JAK1: variants seen among roughly 807,000 people sequenced by gnomAD.
JAK1 encodes Janus kinase 1.
A neutral mutation model predicts 136.6 loss-of-function variants in JAK1; 16 were observed. The ratio of observed to expected loss-of-function variants is 0.12; its 90% CI spans 0.08 to 0.18. The LOEUF is 0.18. Ranked by LOEUF, JAK1 falls within the 10% of genes least tolerant of loss-of-function variation. The pLI is 1.00. For synonymous variants in JAK1, 492 were observed against 519.5 expected, an observed-to-expected ratio of 0.95 and a Z score of 0.72; for missense variants, 859 against 1,450.1, an observed-to-expected ratio of 0.59 and a Z score of 6.62.
chr1:64,878,370 G>A (rs921894675), intron 4 of JAK1, among the ~76,000 whole-genome samples: 1 of 152,046 alleles, frequency 6.6e-6, no homozygotes, highest in African/African-American at 2.4e-5. Context: ...AGAAAAGGCA[G>A]GTGCCCATCA....
rs1346211457 is a variant in JAK1, at chr1:64,848,572, C to T, written c.1756-897G>A. On this transcript the variant is annotated intron_variant, in intron 12 of 24. Coordinates refer to ENST00000342505, the MANE Select transcript of JAK1 (RefSeq NM_002227.4). ...GGCAGGAGGACTGAATGAGATGATC[C>T]GTGCAAAGCCCTAGCCATACCATGA... Among the ~76,000 whole-genome samples the T allele has an allele frequency of 3.3e-5, 5 of 152,264 alleles. No individual in the cohort carries two copies. In the East Asian group the frequency reaches 9.7e-4, roughly 29 times the overall value.
rs3818751 is a variant in JAK1 at position 64,839,504 on chromosome 1, C to T, written c.2842+99G>A. 195 of 973,828 alleles carry T rather than the reference C, an allele frequency of 2.0e-4. 2 individuals are homozygous for T. The East Asian group carries it at 3.5e-3, about 18-fold the overall frequency. 60.3% of individuals were successfully genotyped at this position (973,828 alleles called of 1,614,324 possible). ...GGGAACCACCAGCTAGCATGTCAGA[C>T]GCCCAGGTAAGGCCACGGAGTGCCT... On this transcript the variant is annotated intron_variant, in intron 20 of 24. Coordinates refer to ENST00000342505, the MANE Select transcript of JAK1 (RefSeq NM_002227.4).
At chr1:64,845,757 C>G in intron 14 of JAK1, 117 bp from the exon 15 acceptor site, 1 of 1,253,336 alleles carries the variant, frequency 8.0e-7, no homozygotes, top group Non-Finnish European at 1.1e-6. Context: ...ACACAGATAT[C>G]CTTGGGGGGT....
intron 1 of JAK1, among the ~76,000 whole-genome samples, chr1:65,058,235 A>G (rs1647635914): frequency 6.6e-6 from 1 of 152,218 alleles, no homozygotes; most frequent in Non-Finnish European, 1.5e-5. Context: ...ACTCAGCACA[A>G]CATGGCTGCA....
At chr1:64,893,572 T>C (rs935424046) in intron 1 of JAK1, among the ~76,000 whole-genome samples, 31 of 152,226 alleles carry the variant, frequency 2.0e-4, no homozygotes, top group African/African-American at 7.5e-4. Flanking sequence ...AAGTATCTAC[T>C]TTACAGGGTT....
At chr1:64,927,063 T>C (rs1645595451) in intron 1 of JAK1, among the ~76,000 whole-genome samples, 1 of 152,210 alleles carries the variant, frequency 6.6e-6, no homozygotes. Flanking sequence ...CTTCCCACCT[T>C]TGTCCAAGCT....
At chr1:65,050,552 C>G (rs544678698) in intron 1 of JAK1, among the ~76,000 whole-genome samples, 2 of 152,158 alleles carry the variant, frequency 1.3e-5, no homozygotes, top group African/African-American at 4.8e-5. Context: ...GGTGGGACCA[C>G]ACTGCCCAGG....
intron 2 of JAK1, chr1:64,992,258 T>C (rs565767635): frequency 3.3e-5 from 5 of 152,094 alleles, no homozygotes; most frequent in African/African-American, 1.2e-4. Context: ...CTCACGTCTG[T>C]AGTCCAAGCT....
chr1:64,992,695 C>G (rs993755004), intron 2 of JAK1: 3 of 152,246 alleles, frequency 2.0e-5, no homozygotes, highest in Admixed American at 6.5e-5. Flanking sequence ...CGAGACCATC[C>G]TGGCTAACAT....
At chr1:65,038,447 C>T (rs1039511156) in intron 2 of JAK1, among the ~76,000 whole-genome samples, 1 of 152,004 alleles carries the variant, frequency 6.6e-6, no homozygotes, top group Non-Finnish European at 1.5e-5. Context: ...GATCTGCCCG[C>T]CTCGGCCTCC....
rs1038634068 is a variant in JAK1, at chr1:64,846,908, T to C, written c.1900-172A>G. 1.9e-4 allele frequency: 111 copies of C among 597,648 alleles called. No individual in the cohort carries two copies. The African/African-American group carries it at 1.9e-3, about 10-fold the overall frequency. The allele number at this position is 597,648 out of a possible 1,614,324, so 37.0% of individuals were successfully genotyped here. A position where few individuals can be genotyped will look rare whatever the true frequency, so the allele number is the denominator to read the frequency against. ...GCTGTCCAGAGGCACTGCCAAGCCT[T>C]GTTCTCTGGGCCAACCTGGCAGGGA... On this transcript the variant is annotated intron_variant, in intron 13 of 24. Coordinates refer to ENST00000342505, the MANE Select transcript of JAK1 (RefSeq NM_002227.4).
At chr1:64,985,352 C>G in intron 2 of JAK1, 1 of 1,611,284 alleles carries the variant, frequency 6.2e-7, no homozygotes, top group Non-Finnish European at 8.5e-7. Context: ...CTTGTGCCAT[C>G]CTTGCACTCT....
chr1:65,058,504 G>A (rs770368332), intron 1 of JAK1: 1 of 532,712 alleles, frequency 1.9e-6, no homozygotes, highest in South Asian at 1.4e-5. Flanking sequence ...AACTGAGCCA[G>A]GGCAGCCTGT....
At chr1:64,953,378 T>TAGTAAGTGGC (rs1021790900) in intron 1 of JAK1, among the ~76,000 whole-genome samples, 1 of 152,108 alleles carries the variant, frequency 6.6e-6, no homozygotes, top group African/African-American at 2.4e-5. Context: ...GTCACAGAGC[T>TAGTAAGTGGC]AGTAAGTGGC....
chr1:64,845,414 A>G, intron 15 of JAK1, 99 bp downstream of exon 15: 1 of 1,361,698 alleles, frequency 7.3e-7, no homozygotes, highest in Non-Finnish European at 1.0e-6. Context: ...ACCCAAGGAC[A>G]GGCCCCTCTA....
chr1:64,917,305 A>T (rs1342231294), intron 1 of JAK1, among the ~76,000 whole-genome samples: 1 of 152,212 alleles, frequency 6.6e-6, no homozygotes, highest in Non-Finnish European at 1.5e-5. Flanking sequence ...TTATCAACGA[A>T]GTATGAAGGA....
At chr1:65,036,601 C>G (rs1177668383) in intron 2 of JAK1, among the ~76,000 whole-genome samples, 1 of 152,196 alleles carries the variant, frequency 6.6e-6, no homozygotes, top group African/African-American at 2.4e-5. Flanking sequence ...AACATAACTG[C>G]TTTCACTTAG....
rs574638479 is a variant in JAK1, at chr1:64,934,169, T to C, written c.-78+32164A>G. ...GACCAAAAGCAACTCCTGTTCCTGG[T>C]CACCAATTGGGATCAGTGGAAAAGA... On this transcript the variant is annotated intron_variant, in intron 1 of 24. Transcript: ENST00000342505. Among the ~76,000 whole-genome samples, 171 of 152,272 alleles carry C rather than the reference T, an allele frequency of 1.1e-3. 1 individual carries two copies. The highest frequency in any genetic ancestry group is 4.0e-3 in the African/African-American group (166 of 41,554).
chr1:64,850,178 G>A (rs976065952), intron 12 of JAK1, among the ~76,000 whole-genome samples: 5 of 152,168 alleles, frequency 3.3e-5, no homozygotes, highest in Non-Finnish European at 7.3e-5. Context: ...ACAGGGCTGG[G>A]GAGCGGTGGC....
Sources: gnomAD v4.1 joint callset for allele counts (sites outside exome capture counted in the v4.1 genomes callset) on GRCh38, gnomAD v4.1.1 for gene constraint, MANE v1.5 for transcripts, NCBI Gene and HGNC (gene_info 2026-07-23, HGNC 2026-07-21) for gene names.